Variants in HDGFL3 observed in about 807,000 individuals in gnomAD.
HDGFL3 encodes hepatoma-derived growth factor-related protein 3.
HDGFL3 carries 6 observed loss-of-function variants against 27.6 expected under a neutral mutation model. That is an observed-to-expected ratio of 0.22 (90% confidence interval 0.12 to 0.43). HDGFL3 has a LOEUF of 0.43. Among genes scored for constraint, HDGFL3 ranks in the 20% least tolerant of loss-of-function variants. The pLI is 1.00. For synonymous variants in HDGFL3, 88 were observed against 88.9 expected (o/e 0.99, Z 0.05); for missense variants, 207 against 250.1 (o/e 0.83, Z 1.16).
chr15:83,164,121 A>G lies in HDGFL3; in HGVS notation c.85-46T>C, dbSNP rs767745778. 4 of 1,154,028 alleles carry G rather than the reference A, an allele frequency of 3.5e-6. No homozygotes were observed. The South Asian group carries it at 5.7e-5, about 16-fold the overall frequency. The allele number at this position is 1,154,028 out of a possible 1,614,324, so 71.5% of individuals were successfully genotyped here. A position where few individuals can be genotyped will look rare whatever the true frequency, so the allele number is the denominator to read the frequency against. ...TACTGAGTGAGTGGTTATCATAAAT[A>G]CAATGTGAGCATTGTTCTGATAATT... is the stretch of plus-strand genomic sequence containing the variant. On this transcript the variant is annotated intron_variant, in intron 1 of 5. Coordinates refer to ENST00000299633, the MANE Select transcript of HDGFL3 (RefSeq NM_016073.4).
intron 1 of HDGFL3, chr15:83,180,715 G>A (rs748742079): frequency 6.9e-6 from 1 of 144,616 alleles, no homozygotes; most frequent in African/African-American, 2.6e-5. Context: ...GCATGATGTC[G>A]GCTCACTGCA....
chr15:83,119,605 G>A (rs953337883), intron 3 of HDGFL3: 3 of 1,614,176 alleles, frequency 1.9e-6, no homozygotes, highest in South Asian at 1.1e-5. Context: ...CACCGCATAT[G>A]GGCACATGAT....
intron 1 of HDGFL3, among the ~76,000 whole-genome samples, chr15:83,164,726 C>T (rs2037148090): frequency 6.6e-6 from 1 of 152,190 alleles, no homozygotes; most frequent in African/African-American, 2.4e-5. Context: ...TTCCTCAGAT[C>T]TACCAATTCT....
At chr15:83,185,966 C>T (rs1445731580) in intron 1 of HDGFL3, 3 of 152,268 alleles carry the variant, frequency 2.0e-5, no homozygotes, top group Non-Finnish European at 4.4e-5. Flanking sequence ...TTCTATGAAG[C>T]CTACATGGCA....
chr15:83,206,887 A>C (rs1318278349), intron 1 of HDGFL3, among the ~76,000 whole-genome samples: 1 of 152,190 alleles, frequency 6.6e-6, no homozygotes, highest in Non-Finnish European at 1.5e-5. Flanking sequence ...ACTTTCCAGG[A>C]TTTACTGCCC....
At chr15:83,203,022 A>G (rs1394087655) in intron 1 of HDGFL3, among the ~76,000 whole-genome samples, 3 of 152,234 alleles carry the variant, frequency 2.0e-5, no homozygotes, top group East Asian at 3.9e-4. Flanking sequence ...GTATATGCCT[A>G]GAAGAGACTG....
At position 83,207,470 on chromosome 15, in the gene HDGFL3, G is replaced by GC. The variant is rs892296544; in HGVS notation, c.-57dup. On this transcript the variant is annotated 5_prime_UTR_variant, in exon 1 of 6. Transcript: ENST00000299633. The surrounding 1 kb of genome is among the most constrained non-coding windows in gnomAD (Gnocchi z 4.8). Reference sequence around the variant, plus strand: ...GTCGCCGCGAAGATGCCGGGAGGCCGCCCCCCCGCGGGCCGACGAATTGCG... The same window carrying GC: ...GTCGCCGCGAAGATGCCGGGAGGCCGCCCCCCCCGCGGGCCGACGAATTGCG... 126 of 1,215,228 alleles carry GC rather than the reference G, an allele frequency of 1.0e-4. No homozygotes were observed. The highest frequency in any genetic ancestry group is 1.4e-4 in the South Asian group (4 of 29,236). 75.3% of individuals were successfully genotyped at this position (1,215,228 alleles called of 1,614,324 possible).
chr15:83,112,995 A>G, exon 4 of HDGFL3: 2 of 1,071,200 alleles, frequency 1.9e-6, no homozygotes, highest in Non-Finnish European at 2.9e-6. Context: ...GAATACTCTG[A>G]GCCCTTTGGT....
chr15:83,187,887 CAAAAAAAAA>C (rs748482520), intron 1 of HDGFL3, among the ~76,000 whole-genome samples: 2 of 75,532 alleles, frequency 2.6e-5, no homozygotes, highest in Admixed American at 2.9e-4. Flanking sequence ...AACTCTGTCT[CAAAAAAAAA>C]AAAAAAAAAA....
downstream of HDGFL3, chr15:83,122,991 A>G (rs2035413193): frequency 8.3e-7 from 1 of 1,200,562 alleles, no homozygotes. Flanking sequence ...TGGGGCATCC[A>G]AACAGTGCGA....
At chr15:83,194,668 C>A (rs1187421419) in intron 1 of HDGFL3, among the ~76,000 whole-genome samples, 2 of 152,004 alleles carry the variant, frequency 1.3e-5, no homozygotes, top group Non-Finnish European at 2.9e-5. Flanking sequence ...AGGGTTTCTG[C>A]CTAATTGTCA....
chr15:83,166,219 T>A (rs887051286), intron 1 of HDGFL3, among the ~76,000 whole-genome samples: 1 of 152,130 alleles, frequency 6.6e-6, no homozygotes, highest in African/African-American at 2.4e-5. Flanking sequence ...GGGCAGATTA[T>A]GTAAAAAGGG....
chr15:83,145,428 C>T (rs977917288), intron 5 of HDGFL3, among the ~76,000 whole-genome samples: 2 of 152,166 alleles, frequency 1.3e-5, no homozygotes, highest in Non-Finnish European at 2.9e-5. Context: ...CTGTTTTCTT[C>T]TAAGGGCAGT....
At position 83,128,784 on chromosome 15, in the gene HDGFL3, A is replaced by G. The variant is rs1266821310; in HGVS notation, c.*10486T>C. On this transcript the variant is annotated 3_prime_UTR_variant, in exon 6 of 6. Transcript: ENST00000299633. ...GCAACTCAAGCCAGAAACTTGGAGT[A>G]ATTATTTACACTCCTCATCCTCTAC... The G allele has an allele frequency of 3.3e-5, 5 of 152,142 alleles. No individual in the cohort carries two copies. Among genetic ancestry groups the G allele is most frequent in the Admixed American group, 2.6e-4 (4 of 15,246 alleles). 9.4% of individuals were successfully genotyped at this position (152,142 alleles called of 1,614,324 possible). A position where few individuals can be genotyped will look rare whatever the true frequency, so the allele number is the denominator to read the frequency against.
chr15:83,126,785 C>T (rs759912309), downstream of HDGFL3: 5 of 1,613,488 alleles, frequency 3.1e-6, no homozygotes, highest in Admixed American at 1.7e-5. Context: ...TGAGCTCTGC[C>T]GATTATATAC....
rs766372255 is a variant in HDGFL3, at chr15:83,198,054, C to CAAAAAAAAAAAAAAAAAAAAAA, written c.84+9276_84+9277insTTTTTTTTTTTTTTTTTTTTTT. Reference sequence around the variant, plus strand: ...GGGGTGACAGAGAGAGACTCCGTCTCAAAAAAAAAAAAAAAAAAAAGAAGC... The same window carrying CAAAAAAAAAAAAAAAAAAAAAA: ...GGGGTGACAGAGAGAGACTCCGTCTCAAAAAAAAAAAAAAAAAAAAAAAAAAAAAAAAAAAAAAAAAAGAAGC... On this transcript the variant is annotated intron_variant, in intron 1 of 5. Transcript: ENST00000299633. Among the ~76,000 whole-genome samples, 32 of 57,598 alleles carry CAAAAAAAAAAAAAAAAAAAAAA rather than the reference C, an allele frequency of 5.6e-4. 3 individuals are homozygous for CAAAAAAAAAAAAAAAAAAAAAA. Among genetic ancestry groups the CAAAAAAAAAAAAAAAAAAAAAA allele is most frequent in the African/African-American group, 1.8e-3 (19 of 10,458 alleles). The allele number at this position is 57,598 out of a possible 152,430, so 37.8% of individuals were successfully genotyped here.
At chr15:83,192,438 G>C (rs1233127684) in intron 1 of HDGFL3, 2 of 383,818 alleles carry the variant, frequency 5.2e-6, no homozygotes, top group Non-Finnish European at 1.0e-5. Context: ...AGTTAAGAGA[G>C]CAGACATGGT....
chr15:83,113,047 C>A, exon 4 of HDGFL3: 2 of 685,914 alleles, frequency 2.9e-6, no homozygotes, highest in Non-Finnish European at 5.1e-6. Context: ...GACAATCTGG[C>A]CCTCGCCTCT....
intron 3 of HDGFL3, chr15:83,122,113 T>C: frequency 3.4e-6 from 3 of 890,174 alleles, no homozygotes; most frequent in South Asian, 1.6e-5. Flanking sequence ...CCAAGCTTAC[T>C]AAAAACCTGT....
Sources: gnomAD v4.1 joint callset for allele counts (sites outside exome capture counted in the v4.1 genomes callset) on GRCh38, gnomAD v4.1.1 for gene constraint, Gnocchi (gnomAD v3.1) non-coding constraint, MANE v1.5 for transcripts, NCBI Gene and HGNC (gene_info 2026-07-23, HGNC 2026-07-21) for gene names.